Variants in ZNF626 observed in about 807,000 individuals in gnomAD.
ZNF626 encodes CTC-513N18.7.
Under a neutral mutation model 11.7 loss-of-function variants are expected in ZNF626, and 4 were observed. The observed-to-expected ratio is 0.34, with a 90% CI of 0.17 to 0.78. The LOEUF (loss-of-function observed/expected upper bound fraction) is 0.78. Among genes scored for constraint, ZNF626 ranks in the 30% least tolerant of loss-of-function variants. The probability of loss-of-function intolerance (pLI) is 0.57; values close to 1 mark genes in which losing one functional copy is unlikely to be tolerated. For missense variants in ZNF626, 588 were observed against 587.1 expected, an observed-to-expected ratio of 1.00 and a Z score of -0.01; for synonymous variants, 179 against 198.6, an observed-to-expected ratio of 0.90 and a Z score of 0.83.
chr19:20,641,725 A>AT (rs145844530), intron 3 of ZNF626, among the ~76,000 whole-genome samples: 71 of 147,698 alleles, frequency 4.8e-4, no homozygotes, highest in African/African-American at 3.7e-4. Flanking sequence ...ACTCTTATTA[A>AT]TTTTTTTTTT....
intron 1 of ZNF626, among the ~76,000 whole-genome samples, chr19:20,656,025 G>A (rs1237238547): frequency 6.6e-6 from 1 of 151,962 alleles, no homozygotes; most frequent in Non-Finnish European, 1.5e-5. Context: ...TTAGCACACT[G>A]TATGCACTTG....
chr19:20,624,387 G>T lies in ZNF626; in HGVS notation c.1490C>A (p.Thr497Asn). Residue 497 changes from threonine to asparagine, a missense_variant, in exon 4 of 4, where the codon ACT becomes AAT. Transcript: ENST00000601440. Reference sequence around the variant, plus strand: ...CTCCAGTATGATTCTCTCATGTGTAGTAAGGATTGAGGACTGGTTGAAGGC... The same window carrying T: ...CTCCAGTATGATTCTCTCATGTGTATTAAGGATTGAGGACTGGTTGAAGGC... Reference protein sequence around the residue: ...GKAFNQSSILTTHERIILERN... With the variant: ...GKAFNQSSILNTHERIILERN... The T allele has an allele frequency of 5.4e-6, 4 of 736,968 alleles. 1 individual carries two copies. The highest frequency in any genetic ancestry group is 3.8e-5 in the South Asian group (2 of 52,396). The allele number at this position is 736,968 out of a possible 1,614,324, so 45.7% of individuals were successfully genotyped here. A position where few individuals can be genotyped will look rare whatever the true frequency, so the allele number is the denominator to read the frequency against.
intron 1 of ZNF626, among the ~76,000 whole-genome samples, chr19:20,654,550 T>C (rs1353717828): frequency 1.3e-5 from 2 of 150,024 alleles, no homozygotes; most frequent in Non-Finnish European, 3.0e-5. Flanking sequence ...CTACTAAAAA[T>C]ACAAAAAAAT....
chr19:20,630,228 G>A (rs1352963047), intron 3 of ZNF626, among the ~76,000 whole-genome samples: 2 of 152,116 alleles, frequency 1.3e-5, no homozygotes, highest in African/African-American at 4.8e-5. Flanking sequence ...AAGGATATTG[G>A]TCGAAAATTC....
At chr19:20,643,723 A>G (rs1970046877) in intron 3 of ZNF626, among the ~76,000 whole-genome samples, 1 of 152,216 alleles carries the variant, frequency 6.6e-6, no homozygotes, top group Admixed American at 6.5e-5. Context: ...TATGGTTCAC[A>G]TCTGTAATGA....
intron 1 of ZNF626, among the ~76,000 whole-genome samples, chr19:20,654,553 A>C (rs1410914234): frequency 6.6e-6 from 1 of 151,082 alleles, no homozygotes; most frequent in Admixed American, 6.6e-5. Flanking sequence ...CTAAAAATAC[A>C]AAAAAATTAG....
In ZNF626 at chr19:20,625,009, A is replaced by C; in HGVS notation, c.868T>G (p.Cys290Gly). The change falls in exon 4 of 4, where the codon TGT becomes GGT. Residue 290 changes from cysteine to glycine, a missense_variant. Physicochemically the swap from Cys to Gly is radical, Grantham distance 159. Around this residue, in one of 4 missense-constraint regions of ZNF626, gnomAD observed 524 missense variants for 470.1 expected, o/e 1.11. Coordinates refer to ENST00000601440, the MANE Select transcript of ZNF626 (RefSeq NM_001076675.3). ...GAGGACCGGTTGAAGGCTTTGCCAC[A>C]TTCTTCACATTTGTAGGGTTTCTTT... ...TEKKPYKCEE[C>G]GKAFNRSSTL... 6.2e-7 allele frequency: 1 copy of C among 1,613,912 alleles called. No individual in the cohort carries two copies. The highest frequency in any genetic ancestry group is 8.5e-7 in the Non-Finnish European group (1 of 1,180,008).
intron 3 of ZNF626, among the ~76,000 whole-genome samples, chr19:20,634,328 C>T (rs756487514): frequency 6.6e-6 from 1 of 152,100 alleles, no homozygotes; most frequent in Non-Finnish European, 1.5e-5. Context: ...GTATAGAGAA[C>T]ACTCCTCGAC....
intron 1 of ZNF626, among the ~76,000 whole-genome samples, chr19:20,660,505 C>A (rs559718481): frequency 2.0e-5 from 3 of 152,166 alleles, no homozygotes; most frequent in Non-Finnish European, 4.4e-5. Flanking sequence ...CAGCTCACTG[C>A]AACTTCCGCC....
rs1969778464 is a variant in ZNF626, at chr19:20,623,311, C to G, written c.*979G>C. ...ATTCTTCATGCTTGTAGGAATTTTG[C>G]CAGTATGAATTATCTTACTATCAAA... On this transcript the variant is annotated 3_prime_UTR_variant, in exon 4 of 4. Coordinates refer to ENST00000601440, the MANE Select transcript of ZNF626 (RefSeq NM_001076675.3). 6.6e-6 allele frequency: 1 copy of G among 151,902 alleles called. No homozygotes were observed. The highest frequency in any genetic ancestry group is 1.5e-5 in the Non-Finnish European group (1 of 67,986). The allele number at this position is 151,902 out of a possible 1,614,324, so 9.4% of individuals were successfully genotyped here. A position where few individuals can be genotyped will look rare whatever the true frequency, so the allele number is the denominator to read the frequency against.
chr19:20,627,283 A>G (rs1969847632), intron 3 of ZNF626, among the ~76,000 whole-genome samples: 1 of 151,670 alleles, frequency 6.6e-6, no homozygotes, highest in African/African-American at 2.4e-5. Flanking sequence ...AATCATAGAT[A>G]AGAAGAGAAT....
At chr19:20,644,986 A>C (rs1555771760) in intron 3 of ZNF626, 3 of 153,526 alleles carry the variant, frequency 2.0e-5, no homozygotes, top group African/African-American at 7.2e-5. Context: ...TTTGTCTATG[A>C]ATTGAAAACA....
Position 20,620,603 on chromosome 19 carries a change from G to C in ZNF626, c.*3687C>G, listed in dbSNP as rs1969746557. On this transcript the variant is annotated 3_prime_UTR_variant, in exon 4 of 4. Coordinates refer to ENST00000601440, the MANE Select transcript of ZNF626 (RefSeq NM_001076675.3). ...TCTCATCACTCTGTCACCCAGGCTGGAGTGCAGCAGCACAATCTTGGCTCA... is the reference window on the plus strand; with the variant it reads ...TCTCATCACTCTGTCACCCAGGCTGCAGTGCAGCAGCACAATCTTGGCTCA... The C allele has an allele frequency of 6.6e-6, 1 of 152,080 alleles. No homozygotes were observed. The highest frequency in any genetic ancestry group is 2.4e-5 in the African/African-American group (1 of 41,394). 9.4% of individuals were successfully genotyped at this position (152,080 alleles called of 1,614,324 possible).
chr19:20,651,200 A>G (rs901106761), intron 1 of ZNF626, among the ~76,000 whole-genome samples: 39 of 151,978 alleles, frequency 2.6e-4, no homozygotes, highest in Non-Finnish European at 5.1e-4. Flanking sequence ...AAAAAAAAAA[A>G]AAAGAAATTA....
At position 20,661,517 on chromosome 19, in the gene ZNF626, A is replaced by AT; in HGVS notation, c.-72_-71insA. The AT allele has an allele frequency of 6.5e-7, 1 of 1,547,570 alleles. No homozygotes were observed. The highest frequency in any genetic ancestry group is 8.7e-7 in the Non-Finnish European group (1 of 1,148,692). On this transcript the variant is annotated 5_prime_UTR_variant, in exon 1 of 4. It adds an upstream start codon to the 5' untranslated region. Coordinates refer to ENST00000601440, the MANE Select transcript of ZNF626 (RefSeq NM_001076675.3). ...ATACCTGCAGGACACGGGGCCACACAGCCTGGGCCTTTAGGAGAAGAACCA... is the reference window on the plus strand; with the variant it reads ...ATACCTGCAGGACACGGGGCCACACATGCCTGGGCCTTTAGGAGAAGAACCA...
At chr19:20,626,655 G>A (rs1330778554) in intron 3 of ZNF626, among the ~76,000 whole-genome samples, 1 of 152,128 alleles carries the variant, frequency 6.6e-6, no homozygotes, top group African/African-American at 2.4e-5. Context: ...CCTGGGAGGG[G>A]ACAGTTGCAG....
Position 20,661,498 on chromosome 19 carries a change from G to A in ZNF626, c.-52C>T, listed in dbSNP as rs782451073. 63 of 1,607,864 alleles carry A rather than the reference G, an allele frequency of 3.9e-5. No homozygotes were observed. Among genetic ancestry groups the A allele is most frequent in the Admixed American group, 2.9e-4 (17 of 59,634 alleles). On this transcript the variant is annotated 5_prime_UTR_variant, in exon 1 of 4. Transcript: ENST00000601440. ...CTTAGCTGTGGATCTCCCAATACCT[G>A]CAGGACACGGGGCCACACAGCCTGG...
chr19:20,636,512 G>A (rs1286794069), intron 3 of ZNF626, among the ~76,000 whole-genome samples: 1 of 151,118 alleles, frequency 6.6e-6, no homozygotes, highest in Non-Finnish European at 1.5e-5. Context: ...TTCATGAAAG[G>A]ACTCTTAAAA....
At chr19:20,625,925 C>G (rs1599471198) in intron 3 of ZNF626, among the ~76,000 whole-genome samples, 1 of 152,134 alleles carries the variant, frequency 6.6e-6, no homozygotes, top group Non-Finnish European at 1.5e-5. Context: ...TACTTATACA[C>G]AACACAGCTG....
Sources: allele counts gnomAD v4.1 joint callset (sites outside exome capture counted in the v4.1 genomes callset), GRCh38; gene constraint gnomAD v4.1.1; regional missense constraint gnomAD v4.1.1; transcripts MANE v1.5; gene names NCBI Gene and HGNC (gene_info 2026-07-23, HGNC 2026-07-21).